LOC400499: variants seen among roughly 807,000 people sequenced by gnomAD.
At chr16:11,473,435 T>C in the LOC400499 span, among the ~76,000 whole-genome samples, 1 of 152,152 alleles carries the variant, frequency 6.6e-6, no homozygotes, top group African/African-American at 2.4e-5. Context: ...ATATTCAGTG[T>C]TGCTGGCTTA....
At chr16:11,406,623 G>A in the LOC400499 span, among the ~76,000 whole-genome samples, 1 of 152,158 alleles carries the variant, frequency 6.6e-6, no homozygotes, top group South Asian at 2.1e-4. Flanking sequence ...GTAGAGACGG[G>A]GTTTCCCCAT....
chr16:11,484,272 G>C, the LOC400499 span, among the ~76,000 whole-genome samples: 3 of 152,074 alleles, frequency 2.0e-5, no homozygotes, highest in African/African-American at 7.2e-5. Context: ...CTCCCAAAGT[G>C]CTGGGATTAC....
chr16:11,524,488 T>G, the LOC400499 span, among the ~76,000 whole-genome samples: 1 of 151,592 alleles, frequency 6.6e-6, no homozygotes, highest in Non-Finnish European at 1.5e-5. Context: ...CATACCCTCA[T>G]CCTGAATGAA....
At chr16:11,521,750 G>C in the LOC400499 span, among the ~76,000 whole-genome samples, 1 of 152,020 alleles carries the variant, frequency 6.6e-6, no homozygotes, top group South Asian at 2.1e-4. Flanking sequence ...TTCCCCGATT[G>C]GGCCCTCTGT....
At chr16:11,460,677 G>C in the LOC400499 span, 1 of 1,467,358 alleles carries the variant, frequency 6.8e-7, no homozygotes, top group Non-Finnish European at 9.0e-7. Flanking sequence ...GGCTCCAAGA[G>C]AAGGAGGGCC....
the LOC400499 span, among the ~76,000 whole-genome samples, chr16:11,413,773 G>C: frequency 6.6e-6 from 1 of 152,142 alleles, no homozygotes; most frequent in South Asian, 2.1e-4. Context: ...GATCTACTCA[G>C]GCATTAATGG....
chr16:11,487,198 G>T, the LOC400499 span: 14 of 398,546 alleles, frequency 3.5e-5, no homozygotes, highest in Non-Finnish European at 5.3e-5. Context: ...TAAGTGACTG[G>T]GATATTTTTT....
chr16:11,485,193 C>A, the LOC400499 span: 2 of 397,624 alleles, frequency 5.0e-6, no homozygotes, highest in East Asian at 7.1e-5. Context: ...CTCCAGGCTC[C>A]CTGGTGCCCA....
the LOC400499 span, among the ~76,000 whole-genome samples, chr16:11,379,432 C>T: frequency 3.9e-4 from 59 of 152,288 alleles, no homozygotes; most frequent in Middle Eastern, 6.8e-3. Flanking sequence ...CAGCTTTTGA[C>T]CTTAGGTCGA....
the LOC400499 span, chr16:11,449,166 G>A: frequency 1.5e-6 from 2 of 1,312,700 alleles, no homozygotes; most frequent in Non-Finnish European, 2.0e-6. Context: ...CTCCACCTGG[G>A]ATACCCTTTC....
the LOC400499 span, among the ~76,000 whole-genome samples, chr16:11,385,906 G>C: frequency 6.6e-6 from 1 of 152,138 alleles, no homozygotes; most frequent in South Asian, 2.1e-4. Flanking sequence ...GCACGGCGGC[G>C]CTAAAAGCCA....
At chr16:11,411,302 G>A in the LOC400499 span, 2 of 399,514 alleles carry the variant, frequency 5.0e-6, no homozygotes, top group Non-Finnish European at 8.8e-6. Context: ...GGGAGGCGAT[G>A]CCGGCCTGAG....
the LOC400499 span, chr16:11,493,727 C>T: frequency 2.5e-6 from 1 of 396,470 alleles, no homozygotes; most frequent in South Asian, 1.3e-4. Flanking sequence ...GATGCACAGG[C>T]ACTCAACGTA....
the LOC400499 span, chr16:11,460,828 T>G: frequency 7.9e-7 from 1 of 1,270,442 alleles, no homozygotes; most frequent in Non-Finnish European, 1.1e-6. Context: ...TATTCAGTCC[T>G]ACTCAGAGCC....
At chr16:11,487,637 C>T in the LOC400499 span, among the ~76,000 whole-genome samples, 1 of 152,218 alleles carries the variant, frequency 6.6e-6, no homozygotes, top group South Asian at 2.1e-4. Flanking sequence ...CAACCCCAGG[C>T]TTCCCAGAAT....
chr16:11,438,541 G>A, the LOC400499 span, among the ~76,000 whole-genome samples: 1 of 144,438 alleles, frequency 6.9e-6, no homozygotes, highest in Non-Finnish European at 1.5e-5. Flanking sequence ...GAGGCCAAGG[G>A]AAGAGGATCA....
the LOC400499 span, among the ~76,000 whole-genome samples, chr16:11,513,674 G>C: frequency 6.6e-6 from 1 of 151,898 alleles, no homozygotes; most frequent in African/African-American, 2.4e-5. Flanking sequence ...CAAGTTATCC[G>C]CCTACCTCGG....
At chr16:11,445,283 T>C in the LOC400499 span, among the ~76,000 whole-genome samples, 17 of 151,164 alleles carry the variant, frequency 1.1e-4, no homozygotes, top group East Asian at 3.3e-3. Flanking sequence ...TAGCCAGGAG[T>C]GGGAATGCAC....
At chr16:11,425,179 G>A in the LOC400499 span, 2 of 398,932 alleles carry the variant, frequency 5.0e-6, no homozygotes, top group South Asian at 2.5e-4. Flanking sequence ...AGCTGTCCGT[G>A]CCGGGGGCCC....
Sources: gnomAD v4.1 joint callset for allele counts (sites outside exome capture counted in the v4.1 genomes callset) on GRCh38, gnomAD v4.1.1 for gene constraint, MANE v1.5 for transcripts.